COL26A1: variants seen among roughly 807,000 people sequenced by gnomAD.
The protein encoded by COL26A1 is collagen type XXVI alpha 1 chain.
A neutral mutation model predicts 59.3 loss-of-function variants in COL26A1; 41 were observed. That is an observed-to-expected ratio of 0.69 (90% confidence interval 0.54 to 0.90). The LOEUF (loss-of-function observed/expected upper bound fraction) is 0.90, where lower values mean the gene tolerates loss of function less well. COL26A1 is among the 40% of genes least tolerant of loss of function. COL26A1 has a pLI of 0.00. For synonymous variants in COL26A1, 266 were observed against 256.0 expected, an observed-to-expected ratio of 1.04 and a Z score of -0.37; for missense variants, 612 against 602.3, an observed-to-expected ratio of 1.02 and a Z score of -0.17.
At chr7:101,422,461 C>T (rs971181412) in intron 2 of COL26A1, among the ~76,000 whole-genome samples, 1 of 149,836 alleles carries the variant, frequency 6.7e-6, no homozygotes, top group Admixed American at 6.7e-5. Context: ...TCCCCAGGAG[C>T]TAAATTCCAA....
At chr7:101,420,583 C>T (rs921468372) in intron 2 of COL26A1, among the ~76,000 whole-genome samples, 4 of 152,072 alleles carry the variant, frequency 2.6e-5, no homozygotes, top group African/African-American at 9.7e-5. Flanking sequence ...CTGCCCCTCA[C>T]GAGGCCTGCC....
chr7:101,461,366 T>C (rs1793607397), intron 3 of COL26A1, among the ~76,000 whole-genome samples: 1 of 151,718 alleles, frequency 6.6e-6, no homozygotes, highest in Non-Finnish European at 1.5e-5. Context: ...TGACACGATC[T>C]CAGCTCCCTG....
intron 1 of COL26A1, among the ~76,000 whole-genome samples, chr7:101,373,988 C>T (rs112387120): frequency 1.3e-5 from 2 of 152,006 alleles, no homozygotes; most frequent in Admixed American, 6.6e-5. Flanking sequence ...GAGCTGGACC[C>T]GGACCAATTC....
chr7:101,448,554 A>C (rs1793255751), intron 3 of COL26A1, among the ~76,000 whole-genome samples: 1 of 151,790 alleles, frequency 6.6e-6, no homozygotes, highest in Non-Finnish European at 1.5e-5. Context: ...GTGGAGTGAC[A>C]TGATCATGGC....
Position 101,513,446 on chromosome 7 carries a change from C to T in COL26A1, c.386-19636C>T, listed in dbSNP as rs201139347. The stretch of plus-strand genomic sequence containing the variant: ...TGTTCAAGTGATTCTCATGCCTCAG[C>T]CTCCTGAGTAGCTGAGACTACAGGC... On this transcript the variant is annotated intron_variant, in intron 3 of 12. Transcript: ENST00000313669. Among the ~76,000 whole-genome samples the T allele has an allele frequency of 2.0e-5, 3 of 152,192 alleles. No individual in the cohort carries two copies. The East Asian group carries it at 5.8e-4, about 29-fold the overall frequency.
intron 1 of COL26A1, among the ~76,000 whole-genome samples, chr7:101,414,826 T>A (rs571431567): frequency 6.6e-6 from 1 of 152,058 alleles, no homozygotes; most frequent in Non-Finnish European, 1.5e-5. Flanking sequence ...GCTGCTGAAG[T>A]CTCCCACAGT....
chr7:101,464,070 A>G (rs1793698560), intron 3 of COL26A1, among the ~76,000 whole-genome samples: 1 of 151,536 alleles, frequency 6.6e-6, no homozygotes, highest in South Asian at 2.1e-4. Context: ...GGCTCAAGCA[A>G]TCCTCCTACC....
In COL26A1 at chr7:101,443,200, T is replaced by C. The variant is rs374929857; in HGVS notation, c.282-4484T>C. Among the ~76,000 whole-genome samples the C allele has an allele frequency of 5.9e-5, 9 of 152,284 alleles. No homozygotes were observed. The East Asian group carries it at 1.7e-3, about 29-fold the overall frequency. On this transcript the variant is annotated intron_variant, in intron 2 of 12. Transcript: ENST00000313669. ...TCCAACCCCCCATCCTGCACTGGATTGCCCAGTTGCTCCCAAAAGCTGGGG... is the reference window on the plus strand; with the variant it reads ...TCCAACCCCCCATCCTGCACTGGATCGCCCAGTTGCTCCCAAAAGCTGGGG...
At chr7:101,551,075 C>T in intron 9 of COL26A1, 33 bp from the exon 10 acceptor site, 1 of 1,551,908 alleles carries the variant, frequency 6.4e-7, no homozygotes. Flanking sequence ...CCAGGACCGG[C>T]AGGCCTCACA....
chr7:101,502,023 G>C (rs1162063770), intron 3 of COL26A1, among the ~76,000 whole-genome samples: 1 of 152,198 alleles, frequency 6.6e-6, no homozygotes, highest in Non-Finnish European at 1.5e-5. Context: ...TCCAGAGATG[G>C]AAGCCAGGCT....
chr7:101,453,863 G>A (rs542775419), intron 3 of COL26A1, among the ~76,000 whole-genome samples: 3 of 152,196 alleles, frequency 2.0e-5, no homozygotes, highest in South Asian at 2.1e-4. Context: ...TCCCTTTTGC[G>A]TCTCATTCCT....
chr7:101,377,552 G>C (rs1289189207), intron 1 of COL26A1, among the ~76,000 whole-genome samples: 1 of 152,068 alleles, frequency 6.6e-6, no homozygotes, highest in Non-Finnish European at 1.5e-5. Flanking sequence ...TTAGCCTCTC[G>C]AGTAGGTGGA....
chr7:101,412,691 C>T (rs1792272214), intron 1 of COL26A1, among the ~76,000 whole-genome samples: 1 of 151,598 alleles, frequency 6.6e-6, no homozygotes, highest in African/African-American at 2.4e-5. Flanking sequence ...TGAGTGCAGC[C>T]CTGCCTCTGA....
At chr7:101,386,874 C>T (rs748942952) in intron 1 of COL26A1, among the ~76,000 whole-genome samples, 1 of 152,128 alleles carries the variant, frequency 6.6e-6, no homozygotes, top group African/African-American at 2.4e-5. Flanking sequence ...GGGGTGGTAG[C>T]ATTGCAAGTT....
At chr7:101,460,402 C>T (rs1460350697) in intron 3 of COL26A1, among the ~76,000 whole-genome samples, 2 of 152,068 alleles carry the variant, frequency 1.3e-5, no homozygotes, top group African/African-American at 4.8e-5. Flanking sequence ...ACCATGCATC[C>T]TCTCTCTTCT....
intron 3 of COL26A1, among the ~76,000 whole-genome samples, chr7:101,458,430 G>C (rs1562990365): frequency 6.6e-6 from 1 of 151,902 alleles, no homozygotes; most frequent in African/African-American, 2.4e-5. Flanking sequence ...GAGGTCAGGA[G>C]TTTGAGACCA....
Position 101,363,961 on chromosome 7 carries a change from C to T in COL26A1, c.158+771C>T, listed in dbSNP as rs991000135. Among the ~76,000 whole-genome samples, 12 of 152,162 alleles carry T rather than the reference C, an allele frequency of 7.9e-5. No individual in the cohort carries two copies. In the South Asian group the frequency reaches 1.0e-3, roughly 13 times the overall value. The stretch of plus-strand genomic sequence containing the variant: ...CCCGCCCAGTCTTTGGGGCTGAGGC[C>T]GCGGAGGATCCTCGGCTGCGACTCC... On this transcript the variant is annotated intron_variant, in intron 1 of 12. Transcript: ENST00000313669.
intron 3 of COL26A1, among the ~76,000 whole-genome samples, chr7:101,532,753 T>G (rs1422358451): frequency 5.9e-5 from 9 of 152,158 alleles, no homozygotes; most frequent in Non-Finnish European, 1.3e-4. Context: ...AGTCTCTGCT[T>G]TGTGCCAGTC....
chr7:101,467,909 G>C (rs539806589), intron 3 of COL26A1, among the ~76,000 whole-genome samples: 24 of 152,106 alleles, frequency 1.6e-4, no homozygotes, highest in African/African-American at 5.5e-4. Context: ...CCGCCATGTT[G>C]AACCTACCTG....
Sources: gnomAD v4.1 joint callset for allele counts (sites outside exome capture counted in the v4.1 genomes callset) on GRCh38, gnomAD v4.1.1 for gene constraint, MANE v1.5 for transcripts, NCBI Gene and HGNC (gene_info 2026-07-23, HGNC 2026-07-21) for gene names.